Variants in TRIM42 observed in about 807,000 individuals in gnomAD.
The protein encoded by TRIM42 is tripartite motif-containing protein 42.
Under a neutral mutation model 64.9 loss-of-function variants are expected in TRIM42, and 59 were observed. The ratio of observed to expected loss-of-function variants is 0.91; its 90% CI spans 0.74 to 1.13. TRIM42 has a LOEUF of 1.13. Ranked by LOEUF, TRIM42 falls within the 50% of genes most tolerant of loss-of-function variation. TRIM42 has a pLI of 0.00. For synonymous variants in TRIM42, 354 were observed against 346.3 expected (o/e 1.02, Z -0.25); for missense variants, 878 against 929.5 (o/e 0.94, Z 0.72).
intron 2 of TRIM42, among the ~76,000 whole-genome samples, chr3:140,683,795 A>AT (rs1198268391): frequency 6.6e-6 from 1 of 152,090 alleles, no homozygotes; most frequent in Non-Finnish European, 1.5e-5. Flanking sequence ...TCAACAGCTT[A>AT]TTTTTCCTCT....
intron 2 of TRIM42, among the ~76,000 whole-genome samples, chr3:140,687,330 G>C (rs759810521): frequency 9.2e-5 from 14 of 152,198 alleles, no homozygotes; most frequent in Non-Finnish European, 1.9e-4. Flanking sequence ...CACTGCAAAA[G>C]CTTAGGTTTC....
At chr3:140,690,910 G>T in intron 3 of TRIM42, 58 bp from the exon 4 acceptor site, 1 of 1,413,588 alleles carries the variant, frequency 7.1e-7, no homozygotes, top group South Asian at 1.2e-5. Context: ...ATCTTTAAGG[G>T]AAAGAAAGCT....
At chr3:140,688,743 C>T (rs1988632865) in intron 3 of TRIM42, among the ~76,000 whole-genome samples, 1 of 152,142 alleles carries the variant, frequency 6.6e-6, no homozygotes, top group Non-Finnish European at 1.5e-5. Flanking sequence ...TAGCTTAAAC[C>T]AAACAGTCAA....
Position 140,688,231 on chromosome 3 carries a change from G to T in TRIM42, c.1549G>T (p.Ala517Ser), listed in dbSNP as rs763497907. ...PYPVHSETMIARKVTFSTHSL... is the reference protein window; with the variant it reads ...PYPVHSETMISRKVTFSTHSL... The stretch of plus-strand genomic sequence containing the variant: ...CCCCGTGCACTCAGAAACAATGATT[G>T]CCAGGAAGGTCACTTTCAGCACCCA... The change falls in exon 3 of 5, where the codon GCC (alanine) becomes TCC (serine). Residue 517 changes from alanine to serine, a missense_variant. Coordinates refer to ENST00000286349, the MANE Select transcript of TRIM42 (RefSeq NM_152616.5). 6.2e-7 allele frequency: 1 copy of T among 1,614,060 alleles called. No individual in the cohort carries two copies. The highest frequency in any genetic ancestry group is 1.3e-5 in the African/African-American group (1 of 74,916).
intron 4 of TRIM42, among the ~76,000 whole-genome samples, chr3:140,700,445 A>C (rs1036330466): frequency 6.6e-6 from 1 of 152,166 alleles, no homozygotes. Context: ...AAAGACTATC[A>C]TTTCCCCCAC....
chr3:140,684,595 C>CT, intron 2 of TRIM42, among the ~76,000 whole-genome samples: 1 of 152,208 alleles, frequency 6.6e-6, no homozygotes, highest in Non-Finnish European at 1.5e-5. Context: ...CCGGACCTCT[C>CT]AGTAGCTTCA....
intron 2 of TRIM42, among the ~76,000 whole-genome samples, chr3:140,687,418 G>T (rs1307850699): frequency 2.0e-5 from 3 of 152,160 alleles, no homozygotes; most frequent in African/African-American, 7.2e-5. Flanking sequence ...CTGAAATCTG[G>T]TAAAAACCAA....
intron 1 of TRIM42, 26 bp downstream of exon 1, chr3:140,678,596 G>A (rs1323653544): frequency 6.3e-7 from 1 of 1,587,138 alleles, no homozygotes; most frequent in African/African-American, 1.3e-5. Flanking sequence ...CAGATGTGGG[G>A]CCGCATTGGG....
chr3:140,692,231 C>T (rs137895458), intron 4 of TRIM42, among the ~76,000 whole-genome samples: 46 of 152,140 alleles, frequency 3.0e-4, no homozygotes, highest in African/African-American at 1.1e-3. Context: ...AGTTTCTGCT[C>T]CCTTAAATTC....
In TRIM42 at chr3:140,678,379, C is replaced by G. The variant is rs141361028; in HGVS notation, c.150C>G (p.Cys50Trp). 5.1e-4 allele frequency: 816 copies of G among 1,614,216 alleles called. 3 individuals are homozygous for G. In the Middle Eastern group the frequency reaches 6.4e-3, roughly 13 times the overall value. Residue 50 changes from cysteine (C) to tryptophan (W), a missense_variant, in exon 1 of 5, where the codon TGC (cysteine) becomes TGG (tryptophan). By Grantham distance (215) the Cys-to-Trp change is radical. Coordinates refer to ENST00000286349, the MANE Select transcript of TRIM42 (RefSeq NM_152616.5). ...FPCPYKDERN[C>W]QFCHCTCSES... ...GCCCTTACAAAGATGAGCGGAACTG[C>G]CAGTTCTGCCACTGCACCTGTTCTG...
intron 4 of TRIM42, among the ~76,000 whole-genome samples, chr3:140,691,460 C>A (rs1988713433): frequency 6.6e-6 from 1 of 152,162 alleles, no homozygotes; most frequent in African/African-American, 2.4e-5. Flanking sequence ...TAAACATAAT[C>A]CCTGCCTTCA....
In TRIM42 at chr3:140,691,182, A is replaced by T. The variant is rs1435206090; in HGVS notation, c.2075A>T (p.Asp692Val). 1.5e-5 allele frequency: 25 copies of T among 1,613,852 alleles called. No individual in the cohort carries two copies. The highest frequency in any genetic ancestry group is 2.1e-5 in the Non-Finnish European group (25 of 1,179,732). Residue 692 changes from aspartate to valine, a missense_variant, in exon 4 of 5, where the codon GAT becomes GTT. Asp to Val is a radical substitution (Grantham distance 152). Coordinates refer to ENST00000286349, the MANE Select transcript of TRIM42 (RefSeq NM_152616.5). ...GATAATGGTCCTGGGCAATGGAGTG[A>T]TATCTGCAAGGTATTGTGTGCGTTA... ...INDNGPGQWS[D>V]ICKVVTPDGH...
intron 1 of TRIM42, among the ~76,000 whole-genome samples, chr3:140,681,987 G>A (rs976728027): frequency 2.0e-5 from 3 of 151,860 alleles, no homozygotes; most frequent in Admixed American, 6.6e-5. Context: ...ACATTATTAA[G>A]TGGTCTTGTT....
intron 4 of TRIM42, among the ~76,000 whole-genome samples, chr3:140,697,929 G>A (rs1273180752): frequency 6.6e-6 from 1 of 151,870 alleles, no homozygotes; most frequent in Admixed American, 6.6e-5. Context: ...GTGATCTGCC[G>A]GCCTCAGCCT....
Position 140,678,340 on chromosome 3 carries a change from C to T in TRIM42, c.111C>T (p.Cys37=). ...TCATCTTCACCTCAGAGCGGAACTG[C>T]ACCTGCTTCCCCTGCCCTTACAAAG... ...CKFIFTSERN[C]TCFPCPYKDE... is the part of the protein sequence containing the mutation. Residue 37 remains cysteine, a synonymous_variant, in exon 1 of 5, where the codon TGC becomes TGT. Coordinates refer to ENST00000286349, the MANE Select transcript of TRIM42 (RefSeq NM_152616.5). 1.2e-6 allele frequency: 2 copies of T among 1,614,226 alleles called. No homozygotes were observed. The highest frequency in any genetic ancestry group is 1.7e-6 in the Non-Finnish European group (2 of 1,180,026).
At chr3:140,694,833 T>C (rs574577084) in intron 4 of TRIM42, among the ~76,000 whole-genome samples, 3 of 152,218 alleles carry the variant, frequency 2.0e-5, no homozygotes, top group African/African-American at 4.8e-5. Flanking sequence ...GCCAGCAACA[T>C]TGGGCTGAGT....
At chr3:140,690,849 A>G in intron 3 of TRIM42, 119 bp from the exon 4 acceptor site, 1 of 745,766 alleles carries the variant, frequency 1.3e-6, no homozygotes, top group Admixed American at 2.2e-5. Flanking sequence ...TTCGGTAGCT[A>G]CAGGGGATGG....
At chr3:140,693,275 T>A (rs1294343247) in intron 4 of TRIM42, among the ~76,000 whole-genome samples, 1 of 152,236 alleles carries the variant, frequency 6.6e-6, no homozygotes, top group Non-Finnish European at 1.5e-5. Context: ...TGTGTTTATG[T>A]GATTAATTTG....
chr3:140,688,899 G>A (rs1988635807), intron 3 of TRIM42, among the ~76,000 whole-genome samples: 1 of 152,230 alleles, frequency 6.6e-6, no homozygotes, highest in Non-Finnish European at 1.5e-5. Context: ...AGGAAAGCCT[G>A]TAATAGAGAC....
Sources: gnomAD v4.1 joint callset for allele counts (sites outside exome capture counted in the v4.1 genomes callset) on GRCh38, gnomAD v4.1.1 for gene constraint, MANE v1.5 for transcripts, NCBI Gene and HGNC (gene_info 2026-07-23, HGNC 2026-07-21) for gene names.